NEGR1: variants seen among roughly 807,000 people sequenced by gnomAD.
The protein encoded by NEGR1 is IgLON family member 4.
Under a neutral mutation model 40.9 loss-of-function variants are expected in NEGR1, and 10 were observed. That is an observed-to-expected ratio of 0.24 (90% CI 0.15 to 0.42). NEGR1 has a LOEUF of 0.42. Ranked by LOEUF, NEGR1 falls within the 10% of genes least tolerant of loss-of-function variation. The pLI, the probability that NEGR1 is intolerant of heterozygous loss-of-function variation, is 1.00. For missense variants in NEGR1, 352 were observed against 438.9 expected, an observed-to-expected ratio of 0.80 and a Z score of 1.77; for synonymous variants, 185 against 166.8, an observed-to-expected ratio of 1.11 and a Z score of -0.84.
At chr1:71,960,052 T>C (rs958899855) in intron 1 of NEGR1, among the ~76,000 whole-genome samples, 2 of 152,130 alleles carry the variant, frequency 1.3e-5, no homozygotes, top group African/African-American at 4.8e-5. Context: ...TTAAAAACTT[T>C]CATAGGTAGG....
At chr1:72,076,678 G>C (rs72680879) in intron 1 of NEGR1, among the ~76,000 whole-genome samples, 2,449 of 152,148 alleles carry the variant, frequency 0.016, 30 homozygotes, top group Non-Finnish European at 0.022. Flanking sequence ...GTATGTGTGT[G>C]TATGTATATG....
At chr1:72,234,264 C>T (rs1776015) in intron 1 of NEGR1, among the ~76,000 whole-genome samples, 3,312 of 152,114 alleles carry the variant, frequency 0.022, 54 homozygotes, top group African/African-American at 0.032. Flanking sequence ...TGTTAGTTTG[C>T]TAAAGATAAT....
At position 71,935,170 on chromosome 1, in the gene NEGR1, C is replaced by T; in HGVS notation, c.318G>A (p.Gln106=). The change falls in exon 2 of 7, where the codon CAG becomes CAA. Residue 106 remains glutamine, a synonymous_variant. Transcript: ENST00000357731. ...LNKRDYSLQI[Q]NVDVTDDGPY... ...GGCCATCATCTGTCACATCTACATT[C>T]TGTATCTGGAGGCTGTAGTCCCTTT... is the stretch of plus-strand genomic sequence containing the variant. The T allele has an allele frequency of 6.2e-7, 1 of 1,613,834 alleles. No individual in the cohort carries two copies. The highest frequency in any genetic ancestry group is 1.1e-5 in the South Asian group (1 of 91,068).
At chr1:71,775,574 G>A (rs1557647771) in intron 3 of NEGR1, among the ~76,000 whole-genome samples, 1 of 152,036 alleles carries the variant, frequency 6.6e-6, no homozygotes, top group Non-Finnish European at 1.5e-5. Context: ...TTGAGCTCCT[G>A]ACCTCAAGTG....
At chr1:72,032,051 T>G (rs1195090538) in intron 1 of NEGR1, among the ~76,000 whole-genome samples, 2 of 152,162 alleles carry the variant, frequency 1.3e-5, no homozygotes, top group Admixed American at 1.3e-4. Flanking sequence ...AGCTAAAAAT[T>G]AGAAGAGCTA....
intron 1 of NEGR1, among the ~76,000 whole-genome samples, chr1:72,050,675 G>T (rs1447508052): frequency 6.6e-6 from 1 of 151,420 alleles, no homozygotes; most frequent in Non-Finnish European, 1.5e-5. Context: ...TTGACTTCTG[G>T]CATTCACAAC....
At chr1:71,571,320 C>G (rs898665183) in intron 6 of NEGR1, among the ~76,000 whole-genome samples, 1 of 152,212 alleles carries the variant, frequency 6.6e-6, no homozygotes, top group Non-Finnish European at 1.5e-5. Context: ...CAGGACTATT[C>G]TCATAATTCT....
intron 1 of NEGR1, among the ~76,000 whole-genome samples, chr1:72,023,520 TA>T (rs1309035949): frequency 1.3e-5 from 2 of 151,692 alleles, no homozygotes; most frequent in African/African-American, 4.8e-5. Context: ...TGTTTTTGTG[TA>T]AATGAGAGTT....
At chr1:71,588,989 A>G (rs370570258) in intron 6 of NEGR1, among the ~76,000 whole-genome samples, 15 of 152,226 alleles carry the variant, frequency 9.9e-5, no homozygotes, top group Admixed American at 8.5e-4. Flanking sequence ...TTCATAGCCT[A>G]ACCTCTGAAA....
At chr1:72,103,442 T>C (rs1284904618) in intron 1 of NEGR1, among the ~76,000 whole-genome samples, 3 of 152,112 alleles carry the variant, frequency 2.0e-5, no homozygotes, top group Non-Finnish European at 4.4e-5. Flanking sequence ...CAATTCCTTC[T>C]AACTTTATTT....
intron 2 of NEGR1, among the ~76,000 whole-genome samples, chr1:71,834,887 TCACACACACA>T (rs10524992): frequency 6.8e-6 from 1 of 146,238 alleles, no homozygotes. Flanking sequence ...TTTTAGGAGA[TCACACACACA>T]CACACACACA....
intron 1 of NEGR1, among the ~76,000 whole-genome samples, chr1:72,242,416 G>T (rs1654775566): frequency 1.3e-5 from 2 of 151,520 alleles, no homozygotes; most frequent in South Asian, 4.2e-4. Flanking sequence ...TTAAATGGCA[G>T]AGACCATATC....
At chr1:71,563,830 G>C (rs745638099) in intron 6 of NEGR1, among the ~76,000 whole-genome samples, 7 of 151,956 alleles carry the variant, frequency 4.6e-5, no homozygotes, top group African/African-American at 1.2e-4. Flanking sequence ...ACAGAGCCCT[G>C]TGAAAGTTTG....
intron 3 of NEGR1, among the ~76,000 whole-genome samples, chr1:71,724,028 G>T (rs138170399): frequency 7.3e-4 from 111 of 152,078 alleles, no homozygotes; most frequent in African/African-American, 2.5e-3. Context: ...CATCAAATTT[G>T]GAAAATTTTC....
chr1:71,845,441 G>T (rs1033980507), intron 2 of NEGR1, among the ~76,000 whole-genome samples: 13 of 152,086 alleles, frequency 8.5e-5, no homozygotes, highest in African/African-American at 2.9e-4. Context: ...TGGACTCCAT[G>T]AAGACTTTTG....
chr1:71,475,979 CAT>C (rs1340534749), intron 6 of NEGR1, among the ~76,000 whole-genome samples: 1 of 151,970 alleles, frequency 6.6e-6, no homozygotes, highest in African/African-American at 2.4e-5. Context: ...ATCATAGTAA[CAT>C]GTGTTTGGAG....
chr1:71,449,785 A>T (rs1300346115), intron 6 of NEGR1, among the ~76,000 whole-genome samples: 1 of 152,150 alleles, frequency 6.6e-6, no homozygotes, highest in Non-Finnish European at 1.5e-5. Context: ...CATGATCATT[A>T]AATGGACTCA....
chr1:71,749,395 A>G (rs1655494783), intron 3 of NEGR1, among the ~76,000 whole-genome samples: 1 of 152,240 alleles, frequency 6.6e-6, no homozygotes, highest in Non-Finnish European at 1.5e-5. Flanking sequence ...TTTCGTGAGT[A>G]AAATGAACAT....
At chr1:71,885,103 G>A (rs1293613475) in intron 2 of NEGR1, among the ~76,000 whole-genome samples, 2 of 152,150 alleles carry the variant, frequency 1.3e-5, no homozygotes, top group East Asian at 3.9e-4. Flanking sequence ...CCCCACCTGG[G>A]TGATTCTAAG....
Sources: allele counts gnomAD v4.1 joint callset (sites outside exome capture counted in the v4.1 genomes callset), GRCh38; gene constraint gnomAD v4.1.1; transcripts MANE v1.5; gene names NCBI Gene and HGNC (gene_info 2026-07-23, HGNC 2026-07-21).